MTMR1: variants seen among roughly 807,000 people sequenced by gnomAD.
MTMR1 encodes phosphatidylinositol-3-phosphate phosphatase MTMR1.
In MTMR1, 17 loss-of-function variants were observed where a neutral mutation model predicts 51.6. The observed-to-expected ratio is 0.33, with a 90% CI of 0.23 to 0.49. MTMR1 has a LOEUF of 0.49. MTMR1 is among the 20% of genes least tolerant of loss of function. The pLI, the probability that MTMR1 is intolerant of heterozygous loss-of-function variation, is 0.99. For missense variants in MTMR1, 386 were observed against 526.9 expected (o/e 0.73, Z 2.62); for synonymous variants, 201 against 205.6 (o/e 0.98, Z 0.19).
At chrX:150,731,343 C>A (rs374004325) in intron 8 of MTMR1, 127 bp from the exon 9 acceptor site, 13 of 541,445 alleles carry the variant, frequency 2.4e-5, no homozygotes, top group Non-Finnish European at 3.6e-5. Flanking sequence ...TTTTAAGTTA[C>A]AATAAACAAT....
intron 4 of MTMR1, among the ~76,000 whole-genome samples, chrX:150,723,306 A>G (rs1557416642): frequency 3.6e-5 from 4 of 111,507 alleles, no homozygotes; most frequent in African/African-American, 1.3e-4. Flanking sequence ...TAGTGCCGCA[A>G]TAAACATAAC....
At chrX:150,744,213 G>A (rs1557417387) in intron 12 of MTMR1, 148 bp from the exon 13 acceptor site, 2 of 371,983 alleles carry the variant, frequency 5.4e-6, no homozygotes, top group East Asian at 4.4e-5. Flanking sequence ...AAGTCATTTC[G>A]ATTTGATAGA....
chrX:150,746,603 G>C (rs182938237), intron 13 of MTMR1, among the ~76,000 whole-genome samples: 1 of 112,483 alleles, frequency 8.9e-6, no homozygotes, highest in Admixed American at 9.4e-5. Flanking sequence ...GCACCATTTC[G>C]GTGGATGTGA....
rs1557416276 is a variant in MTMR1, at chrX:150,712,974, A to T, written c.276+609A>T. 4 of 929,470 alleles carry T rather than the reference A, an allele frequency of 4.3e-6. No individual in the cohort carries two copies. The South Asian group carries it at 9.6e-5, about 22-fold the overall frequency. The allele number at this position is 929,470 out of a possible 1,213,427, so 76.6% of individuals were successfully genotyped here. On this transcript the variant is annotated intron_variant, in intron 3 of 15. Transcript: ENST00000445323. Reference sequence around the variant, plus strand: ...TCATAAAGCAAGACAAAGATTGGTAATGTGCATGCATTTAACAGACATTGA... The same window carrying T: ...TCATAAAGCAAGACAAAGATTGGTATTGTGCATGCATTTAACAGACATTGA...
intron 12 of MTMR1, 49 bp downstream of exon 12, chrX:150,737,497 T>C: frequency 9.2e-7 from 1 of 1,081,451 alleles, no homozygotes; most frequent in African/African-American, 1.8e-5. Context: ...CGGTATCATA[T>C]GGATGTAAAC....
At position 150,762,908 on chromosome X, in the gene MTMR1, C is replaced by T; in HGVS notation, c.*179C>T. The T allele has an allele frequency of 2.0e-5, 10 of 501,382 alleles. No individual in the cohort carries two copies. Among genetic ancestry groups the T allele is most frequent in the Non-Finnish European group, 3.0e-5 (10 of 337,518 alleles). 41.3% of individuals were successfully genotyped at this position (501,382 alleles called of 1,213,427 possible). A position where few individuals can be genotyped will look rare whatever the true frequency, so the allele number is the denominator to read the frequency against. ...CGTTACCCTCCTGTCAGCGGTTTCA[C>T]AGGGGAGCCGTCTGTCACGCCCACC... On this transcript the variant is annotated 3_prime_UTR_variant, in exon 16 of 16. Transcript: ENST00000445323.
intron 12 of MTMR1, among the ~76,000 whole-genome samples, chrX:150,738,223 T>C (rs942576280): frequency 3.6e-5 from 4 of 112,376 alleles, no homozygotes; most frequent in African/African-American, 1.3e-4. Flanking sequence ...ATAAGTGGAA[T>C]CCTACAGTAT....
chrX:150,731,513 A>G lies in MTMR1; in HGVS notation c.785A>G (p.Asn262Ser). Residue 262 changes from asparagine to serine, a missense_variant, in exon 9 of 16, where the codon AAT becomes AGT. By Grantham distance (46) the Asn-to-Ser change is conservative. Coordinates refer to ENST00000445323, the MANE Select transcript of MTMR1 (RefSeq NM_001306144.3). ...ESWKISKINS[N>S]YEFCDTYPAI... is the part of the protein sequence containing the mutation. ...TGGAAAATATCCAAAATAAACAGTA[A>G]TTATGAGTTCTGTGACACCTACCCT... The G allele has an allele frequency of 8.3e-7, 1 of 1,206,790 alleles. No individual in the cohort carries two copies. Among genetic ancestry groups the G allele is most frequent in the South Asian group, 1.8e-5 (1 of 56,051 alleles).
chrX:150,725,875 C>A (rs1197962635), intron 4 of MTMR1, among the ~76,000 whole-genome samples: 1 of 112,013 alleles, frequency 8.9e-6, no homozygotes, highest in South Asian at 3.7e-4. Context: ...GGCATACTAA[C>A]CTCTAACAAC....
intron 2 of MTMR1, among the ~76,000 whole-genome samples, chrX:150,706,400 A>G (rs1438681474): frequency 5.4e-5 from 6 of 111,995 alleles, no homozygotes; most frequent in African/African-American, 1.9e-4. Flanking sequence ...AACAGTTGTT[A>G]TTTGTGATGT....
intron 1 of MTMR1, among the ~76,000 whole-genome samples, chrX:150,697,381 G>T (rs943159866): frequency 2.1e-4 from 23 of 111,801 alleles, no homozygotes; most frequent in Non-Finnish European, 1.9e-4. Context: ...TTTCCATATT[G>T]CCTGGGGATT....
In MTMR1 at chrX:150,737,319, C is replaced by T. The variant is rs199688432; in HGVS notation, c.1344C>T (p.Asp448=). The change falls in exon 12 of 16, where the codon GAC becomes GAT. Residue 448 remains aspartate (D), a synonymous_variant. Transcript: ENST00000445323. The stretch of plus-strand genomic sequence containing the variant: ...CATCTGTGGTGGTGCATTGCAGCGA[C>T]GGTTGGGACCGAACAGCCCAGCTCA... ...GKTSVVVHCS[D]GWDRTAQLTS... is the part of the protein sequence containing the mutation. 7.2e-5 allele frequency: 87 copies of T among 1,209,412 alleles called. No individual in the cohort carries two copies. In the South Asian group the frequency reaches 9.5e-4, roughly 13 times the overall value.
chrX:150,706,444 A>G (rs1233846663), intron 2 of MTMR1, among the ~76,000 whole-genome samples: 1 of 111,926 alleles, frequency 8.9e-6, no homozygotes, highest in African/African-American at 3.3e-5. Flanking sequence ...GAGACGTAGG[A>G]GTTTTTTAAT....
At position 150,762,599 on chromosome X, in the gene MTMR1, C is replaced by G; in HGVS notation, c.1892C>G (p.Ala631Gly). ...PIHQNLKELL[A>G]VRAELQKRVE... Reference sequence around the variant, plus strand: ...CACCAGAATCTCAAGGAGCTGCTGGCCGTCAGGGCGGAGCTGCAGAAGCGT... The same window carrying G: ...CACCAGAATCTCAAGGAGCTGCTGGGCGTCAGGGCGGAGCTGCAGAAGCGT... Residue 631 changes from alanine (A) to glycine (G), a missense_variant, in exon 16 of 16, where the codon GCC becomes GGC. By Grantham distance (60) the Ala-to-Gly change is moderately conservative (BLOSUM62 0). Transcript: ENST00000445323. The G allele has an allele frequency of 8.3e-7, 1 of 1,212,111 alleles. No individual in the cohort carries two copies. The highest frequency in any genetic ancestry group is 1.1e-6 in the Non-Finnish European group (1 of 895,534).
At chrX:150,700,765 T>G (rs183883481) in intron 2 of MTMR1, among the ~76,000 whole-genome samples, 104 of 112,806 alleles carry the variant, frequency 9.2e-4, no homozygotes, top group African/African-American at 3.2e-3. Flanking sequence ...CGGGGTGATT[T>G]TCTTTATGGA....
intron 2 of MTMR1, among the ~76,000 whole-genome samples, chrX:150,711,964 T>A (rs1399701301): frequency 3.6e-5 from 4 of 111,044 alleles, no homozygotes; most frequent in East Asian, 2.8e-4. Flanking sequence ...TTTTTTTTTT[T>A]ATCATTGGTT....
chrX:150,699,966 T>G (rs1481714659), intron 2 of MTMR1, among the ~76,000 whole-genome samples: 4 of 112,661 alleles, frequency 3.6e-5, no homozygotes, highest in Middle Eastern at 4.6e-3. Flanking sequence ...TCCATCTTTG[T>G]TAAGGCTAAA....
chrX:150,762,917 C>T lies in MTMR1; in HGVS notation c.*188C>T, dbSNP rs1483617473. 2.0e-5 allele frequency: 9 copies of T among 445,008 alleles called. No individual in the cohort carries two copies. In the South Asian group the frequency reaches 3.8e-4, roughly 19 times the overall value. 36.7% of individuals were successfully genotyped at this position (445,008 alleles called of 1,213,427 possible). On this transcript the variant is annotated 3_prime_UTR_variant, in exon 16 of 16. Coordinates refer to ENST00000445323, the MANE Select transcript of MTMR1 (RefSeq NM_001306144.3). ...CCTGTCAGCGGTTTCACAGGGGAGC[C>T]GTCTGTCACGCCCACCCTGTGAAGC...
At chrX:150,716,249 A>G (rs1034502474) in intron 3 of MTMR1, among the ~76,000 whole-genome samples, 3 of 112,977 alleles carry the variant, frequency 2.7e-5, no homozygotes, top group Non-Finnish European at 5.6e-5. Flanking sequence ...AAACTCTGAT[A>G]TTGATTAAAA....
Sources: gnomAD v4.1 joint callset for allele counts (sites outside exome capture counted in the v4.1 genomes callset) on GRCh38, gnomAD v4.1.1 for gene constraint, MANE v1.5 for transcripts, NCBI Gene and HGNC (gene_info 2026-07-23, HGNC 2026-07-21) for gene names.